Variants in PCDH15 observed in about 807,000 individuals in gnomAD.
PCDH15 encodes the protein protocadherin-15.
In PCDH15, 129 loss-of-function variants were observed where a neutral mutation model predicts 178.5. The observed-to-expected ratio is 0.72, with a 90% confidence interval of 0.63 to 0.84. PCDH15 has a LOEUF of 0.84. Ranked by LOEUF, PCDH15 falls within the 40% of genes least tolerant of loss-of-function variation. The pLI, the probability that PCDH15 is intolerant of heterozygous loss-of-function variation, is 0.00. For synonymous variants in PCDH15, 800 were observed against 732.0 expected (o/e 1.09, Z -1.50); for missense variants, 2,230 against 2,099.9 (o/e 1.06, Z -1.21).
At position 55,076,764 on chromosome 10, in the gene PCDH15, C is replaced by CTTTTT. The variant is rs902966495; in HGVS notation, c.-80+89807_-80+89811dup. On this transcript the variant is annotated intron_variant, in intron 2 of 5. Coordinates refer to the PCDH15 transcript ENST00000458638. ...TGAGCCATCATGTGTGGCCTGTGAC[C>CTTTTT]TTTTTTTTTTTTTTTTTTTTTTTGA... Among the ~76,000 whole-genome samples the CTTTTT allele has an allele frequency of 2.0e-3, 210 of 106,778 alleles. 4 individuals carry two copies. Among genetic ancestry groups the CTTTTT allele is most frequent in the African/African-American group, 7.6e-3 (198 of 26,166 alleles). The allele number at this position is 106,778 out of a possible 152,430, so 70.1% of individuals were successfully genotyped here.
chr10:54,487,322 T>C (rs1047650876), intron 3 of PCDH15, among the ~76,000 whole-genome samples: 4 of 151,926 alleles, frequency 2.6e-5, no homozygotes, highest in Admixed American at 2.6e-4. Context: ...TGTGGAATGA[T>C]TGAAAATGGA....
intron 2 of PCDH15, chr10:55,468,985 A>T (rs1839901305): frequency 2.0e-5 from 3 of 152,156 alleles, no homozygotes; most frequent in Non-Finnish European, 4.4e-5. Flanking sequence ...GGCTGTTAAA[A>T]CATCAACTGT....
intron 3 of PCDH15, among the ~76,000 whole-genome samples, chr10:54,425,248 A>C (rs1956126484): frequency 6.6e-6 from 1 of 152,124 alleles, no homozygotes; most frequent in African/African-American, 2.4e-5. Context: ...TTCCTCCCTC[A>C]TGAGTGGATT....
chr10:54,489,298 AAAATT>A (rs2079372106), intron 3 of PCDH15, among the ~76,000 whole-genome samples: 1 of 152,102 alleles, frequency 6.6e-6, no homozygotes, highest in South Asian at 2.1e-4. Flanking sequence ...TTTTCTTCTC[AAAATT>A]AATTCCTAAA....
intron 2 of PCDH15, among the ~76,000 whole-genome samples, chr10:55,114,195 C>T (rs1222531785): frequency 1.3e-5 from 2 of 152,144 alleles, no homozygotes; most frequent in Non-Finnish European, 2.9e-5. Flanking sequence ...TCATGATCCT[C>T]CTGCCTTGGC....
chr10:54,518,119 A>C (rs550670607), intron 3 of PCDH15, among the ~76,000 whole-genome samples: 12 of 152,330 alleles, frequency 7.9e-5, no homozygotes, highest in African/African-American at 2.2e-4. Context: ...GGAAAGATCC[A>C]AAATTGACAC....
chr10:54,997,583 A>G (rs2131925305), intron 2 of PCDH15, among the ~76,000 whole-genome samples: 1 of 152,342 alleles, frequency 6.6e-6, no homozygotes, highest in South Asian at 2.1e-4. Context: ...AAACAAAATG[A>G]TCTTTGTGCA....
intron 3 of PCDH15, among the ~76,000 whole-genome samples, chr10:54,849,142 G>A (rs1953565763): frequency 6.6e-6 from 1 of 151,808 alleles, no homozygotes; most frequent in Admixed American, 6.6e-5. Context: ...AACATGTTCA[G>A]TTAAATTTGT....
intron 1 of PCDH15, among the ~76,000 whole-genome samples, chr10:55,262,068 G>A (rs1842158550): frequency 7.2e-6 from 1 of 139,844 alleles, no homozygotes; most frequent in African/African-American, 2.7e-5. Context: ...GGGAGGGAAA[G>A]AGATAAAGGA....
At chr10:55,252,250 AT>A (rs1841857390) in intron 1 of PCDH15, among the ~76,000 whole-genome samples, 1 of 152,094 alleles carries the variant, frequency 6.6e-6, no homozygotes, top group African/African-American at 2.4e-5. Flanking sequence ...ACAGAGATGT[AT>A]TTTCTCGGGC....
At chr10:54,019,713 G>T (rs962824570) in intron 20 of PCDH15, among the ~76,000 whole-genome samples, 1 of 152,000 alleles carries the variant, frequency 6.6e-6, no homozygotes, top group Non-Finnish European at 1.5e-5. Flanking sequence ...GCTTAAAAAG[G>T]GTTGAGCCAG....
chr10:54,244,082 G>T (rs138063188), intron 8 of PCDH15, among the ~76,000 whole-genome samples: 356 of 152,048 alleles, frequency 2.3e-3, no homozygotes, highest in African/African-American at 8.3e-3. Context: ...CTGGAATTTC[G>T]TATCACATAT....
At chr10:55,023,634 A>T (rs2131957560) in intron 2 of PCDH15, among the ~76,000 whole-genome samples, 1 of 152,194 alleles carries the variant, frequency 6.6e-6, no homozygotes, top group East Asian at 1.9e-4. Context: ...ATATCTCATT[A>T]TTTGAAATGG....
intron 1 of PCDH15, among the ~76,000 whole-genome samples, chr10:54,736,700 A>G (rs571020272): frequency 1.3e-3 from 199 of 152,174 alleles, no homozygotes; most frequent in African/African-American, 4.5e-3. Context: ...TTCTTCTACT[A>G]GGTTTTAAGG....
intron 2 of PCDH15, among the ~76,000 whole-genome samples, chr10:55,098,638 C>A (rs1033030122): frequency 6.6e-6 from 1 of 151,972 alleles, no homozygotes; most frequent in Non-Finnish European, 1.5e-5. Flanking sequence ...GACAATGACC[C>A]CATTTGCATA....
intron 21 of PCDH15, chr10:53,995,275 T>G (rs1193727309): frequency 1.5e-5 from 3 of 204,140 alleles, no homozygotes; most frequent in Non-Finnish European, 3.0e-5. Flanking sequence ...TGTGATATGT[T>G]GATTTGGAGT....
At chr10:54,119,383 G>T (rs2095174803) in intron 15 of PCDH15, among the ~76,000 whole-genome samples, 1 of 152,030 alleles carries the variant, frequency 6.6e-6, no homozygotes, top group African/African-American at 2.4e-5. Flanking sequence ...GGATCTATCA[G>T]ATAAAAGAAT....
intron 1 of PCDH15, among the ~76,000 whole-genome samples, chr10:55,312,324 C>CA: frequency 6.7e-6 from 1 of 149,582 alleles, no homozygotes; most frequent in Non-Finnish European, 1.5e-5. Flanking sequence ...ATTAAAAAAA[C>CA]AAAAATATTT....
intron 9 of PCDH15, among the ~76,000 whole-genome samples, chr10:54,216,044 G>GAAAAAAAAAAAAAAAAAA (rs10648282): frequency 1.4e-5 from 1 of 70,390 alleles, no homozygotes; most frequent in African/African-American, 6.2e-5. Flanking sequence ...CTCCGTCTCA[G>GAAAAAAAAAAAAAAAAAA]AAAAAAAAAA....
Sources: allele counts gnomAD v4.1 joint callset (sites outside exome capture counted in the v4.1 genomes callset), GRCh38; gene constraint gnomAD v4.1.1; transcripts MANE v1.5; gene names NCBI Gene and HGNC (gene_info 2026-07-23, HGNC 2026-07-21).